PTPRT: variants seen among roughly 807,000 people sequenced by gnomAD.
PTPRT encodes receptor-type tyrosine-protein phosphatase T.
PTPRT carries 56 observed loss-of-function variants against 176.8 expected under a neutral mutation model. The ratio of observed to expected loss-of-function variants is 0.32; its 90% CI spans 0.26 to 0.40. The LOEUF (loss-of-function observed/expected upper bound fraction) is 0.40. Among genes scored for constraint, PTPRT ranks in the 10% least tolerant of loss-of-function variants. The pLI is 1.00. For synonymous variants in PTPRT, 783 were observed against 739.0 expected, an observed-to-expected ratio of 1.06 and a Z score of -0.96; for missense variants, 1,540 against 1,908.2, an observed-to-expected ratio of 0.81 and a Z score of 3.60.
At chr20:42,539,589 T>C (rs2072541194) in intron 7 of PTPRT, among the ~76,000 whole-genome samples, 1 of 146,846 alleles carries the variant, frequency 6.8e-6, no homozygotes, top group Non-Finnish European at 1.5e-5. Context: ...AAGATAGAGA[T>C]CAAAACAAAC....
In PTPRT at chr20:42,098,410, C is replaced by T. The variant is rs373287170; in HGVS notation, c.3846+11G>A. The T allele has an allele frequency of 5.0e-6, 8 of 1,613,552 alleles. No homozygotes were observed. The highest frequency in any genetic ancestry group is 6.8e-6 in the Non-Finnish European group (8 of 1,179,848). On this transcript the variant is annotated intron_variant, in intron 27 of 30. Transcript: ENST00000373187. ...CTGACCCACCTAGGGCTTGGCTTGG[C>T]CTCCTCCTACCTGGGCAGTGTCCAT...
chr20:42,932,547 C>T (rs990734505), intron 1 of PTPRT, among the ~76,000 whole-genome samples: 1 of 152,178 alleles, frequency 6.6e-6, no homozygotes. Context: ...TGTCTCCCAC[C>T]CTAGGTAGCA....
At chr20:42,221,064 G>A (rs546139829) in intron 15 of PTPRT, among the ~76,000 whole-genome samples, 3 of 152,206 alleles carry the variant, frequency 2.0e-5, no homozygotes, top group South Asian at 4.1e-4. Flanking sequence ...ACAGTGGTGC[G>A]ATCTTGGCTC....
chr20:42,452,013 A>G (rs1001745917), intron 8 of PTPRT, among the ~76,000 whole-genome samples: 2 of 152,198 alleles, frequency 1.3e-5, no homozygotes, highest in African/African-American at 2.4e-5. Flanking sequence ...GCCCACGCCT[A>G]TAATCCCAGC....
intron 7 of PTPRT, among the ~76,000 whole-genome samples, chr20:42,540,950 G>C (rs953702514): frequency 1.3e-4 from 19 of 151,994 alleles, no homozygotes; most frequent in Admixed American, 1.2e-3. Flanking sequence ...ATGGTACAGT[G>C]GAAAAGTCAC....
chr20:42,385,162 C>A (rs2058733188), intron 9 of PTPRT, among the ~76,000 whole-genome samples: 1 of 152,106 alleles, frequency 6.6e-6, no homozygotes, highest in African/African-American at 2.4e-5. Flanking sequence ...ATCGCCCAGA[C>A]CAATGTCATG....
intron 16 of PTPRT, among the ~76,000 whole-genome samples, chr20:42,175,566 C>T (rs1990257474): frequency 6.6e-6 from 1 of 152,094 alleles, no homozygotes; most frequent in Non-Finnish European, 1.5e-5. Flanking sequence ...GAGGGATCTT[C>T]CTGGCAAGTC....
chr20:42,831,615 T>C (rs1406672998), intron 2 of PTPRT, among the ~76,000 whole-genome samples: 1 of 152,196 alleles, frequency 6.6e-6, no homozygotes, highest in African/African-American at 2.4e-5. Context: ...CGAGAAAATG[T>C]TGGCAAACTA....
At chr20:43,055,811 T>C (rs1482276856) in intron 1 of PTPRT, among the ~76,000 whole-genome samples, 1 of 152,152 alleles carries the variant, frequency 6.6e-6, no homozygotes, top group African/African-American at 2.4e-5. Flanking sequence ...GCAGTTGTAC[T>C]GTGTGATCCC....
intron 15 of PTPRT, among the ~76,000 whole-genome samples, chr20:42,200,444 C>T (rs182671633): frequency 6.6e-6 from 1 of 152,300 alleles, no homozygotes; most frequent in East Asian, 1.9e-4. Context: ...CCAGTGGATC[C>T]AACTATATTC....
rs573260969 is a variant in PTPRT, at chr20:42,716,595, GTTGT to G, written c.860-38440_860-38437del. Among the ~76,000 whole-genome samples, 1,015 of 152,216 alleles carry G rather than the reference GTTGT, an allele frequency of 6.7e-3. 7 individuals are homozygous for G. The highest frequency in any genetic ancestry group is 0.037 in the Middle Eastern group (11 of 294). On this transcript the variant is annotated intron_variant, in intron 6 of 30. Coordinates refer to ENST00000373187, the MANE Select transcript of PTPRT (RefSeq NM_007050.6). The stretch of plus-strand genomic sequence containing the variant: ...TATCCTTCACCCACTTTTTGATGGG[GTTGT>G]TTGTTTTTTTCTTGTAAATTTGTTT...
At chr20:42,918,229 G>C (rs1978908625) in intron 1 of PTPRT, among the ~76,000 whole-genome samples, 1 of 152,130 alleles carries the variant, frequency 6.6e-6, no homozygotes, top group African/African-American at 2.4e-5. Context: ...AGTCAGGGCA[G>C]AGCTGCTGTT....
chr20:42,988,912 C>A (rs1379639949), intron 1 of PTPRT, among the ~76,000 whole-genome samples: 1 of 152,224 alleles, frequency 6.6e-6, no homozygotes, highest in Non-Finnish European at 1.5e-5. Context: ...GCAAGAAGCA[C>A]CTGCTACATC....
At chr20:42,239,528 T>C (rs1205186515) in intron 14 of PTPRT, among the ~76,000 whole-genome samples, 2 of 148,408 alleles carry the variant, frequency 1.3e-5, no homozygotes, top group African/African-American at 2.5e-5. Context: ...GTCCACGCCA[T>C]TCTCCTGCCT....
intron 11 of PTPRT, among the ~76,000 whole-genome samples, chr20:42,322,828 C>T (rs893500531): frequency 3.9e-5 from 6 of 152,012 alleles, no homozygotes; most frequent in East Asian, 1.9e-4. Context: ...AGGCAACCTA[C>T]AAAATGGGAG....
chr20:42,827,796 C>T (rs1473264241), intron 2 of PTPRT, among the ~76,000 whole-genome samples: 1 of 152,108 alleles, frequency 6.6e-6, no homozygotes, highest in Non-Finnish European at 1.5e-5. Context: ...GGCACTTCTC[C>T]TTAATGTCAC....
rs1194739363 is a variant in PTPRT, at chr20:42,076,499, C to G, written c.*4380G>C. The stretch of plus-strand genomic sequence containing the variant: ...TTAATGGGTTCCTTCCAGCACCCAA[C>G]TGGAAGATGCCTTAGTTGAGGTCCC... On this transcript the variant is annotated 3_prime_UTR_variant, in exon 31 of 31. Transcript: ENST00000373187. 1 of 207,254 alleles carries G rather than the reference C, an allele frequency of 4.8e-6. No individual in the cohort carries two copies. The highest frequency in any genetic ancestry group is 9.8e-6 in the Non-Finnish European group (1 of 101,574). The allele number at this position is 207,254 out of a possible 1,614,324, so 12.8% of individuals were successfully genotyped here.
At chr20:42,274,418 C>G (rs963875720) in intron 13 of PTPRT, among the ~76,000 whole-genome samples, 2 of 152,290 alleles carry the variant, frequency 1.3e-5, no homozygotes, top group Middle Eastern at 3.4e-3. Flanking sequence ...CCTAGCCTAA[C>G]TAATCCAGTT....
At chr20:42,140,813 T>C (rs1046091533) in intron 18 of PTPRT, among the ~76,000 whole-genome samples, 1 of 152,172 alleles carries the variant, frequency 6.6e-6, no homozygotes, top group Non-Finnish European at 1.5e-5. Context: ...GAATGATAGA[T>C]CCATGCTGCT....
Sources: allele counts gnomAD v4.1 joint callset (sites outside exome capture counted in the v4.1 genomes callset), GRCh38; gene constraint gnomAD v4.1.1; transcripts MANE v1.5; gene names NCBI Gene and HGNC (gene_info 2026-07-23, HGNC 2026-07-21).